Variants in EPS8 observed in about 807,000 individuals in gnomAD.
The protein encoded by EPS8 is epidermal growth factor receptor kinase substrate 8.
EPS8 carries 42 observed loss-of-function variants against 103.8 expected under a neutral mutation model. That is an observed-to-expected ratio of 0.40 (90% CI 0.32 to 0.52). EPS8 has a LOEUF of 0.52. Among genes scored for constraint, EPS8 ranks in the 20% least tolerant of loss-of-function variants. EPS8 has a pLI of 0.40. For missense variants in EPS8, 969 were observed against 1,005.1 expected, an observed-to-expected ratio of 0.96 and a Z score of 0.49; for synonymous variants, 344 against 344.6, an observed-to-expected ratio of 1.00 and a Z score of 0.02.
chr12:15,694,577 A>T lies in EPS8; in HGVS notation c.-21-11605T>A, dbSNP rs367590776. 7.8e-4 allele frequency among the ~76,000 whole-genome samples: 118 copies of T among 152,194 alleles called. 1 individual carries two copies. Among genetic ancestry groups the T allele is most frequent in the African/African-American group, 2.7e-3 (111 of 41,540 alleles). ...CCACTACTTTATCCATTCTTTATTA[A>T]TTTTTTCCCAAAGAGAAGCCCATTT... is the stretch of plus-strand genomic sequence containing the variant. On this transcript the variant is annotated intron_variant, in intron 1 of 20. Coordinates refer to ENST00000281172, the MANE Select transcript of EPS8 (RefSeq NM_004447.6).
intron 1 of EPS8, among the ~76,000 whole-genome samples, chr12:15,774,606 AAT>A (rs201235593): frequency 1.4e-3 from 214 of 147,792 alleles, no homozygotes; most frequent in African/African-American, 5.1e-3. Flanking sequence ...ACACATATAA[AAT>A]ATATATACAT....
chr12:15,646,195 G>A (rs1446303340), intron 15 of EPS8, among the ~76,000 whole-genome samples: 2 of 152,100 alleles, frequency 1.3e-5, no homozygotes, highest in East Asian at 3.9e-4. Context: ...TGCCCTTGGA[G>A]TTATACCTGT....
chr12:15,623,995 T>C (rs149949374), intron 19 of EPS8, among the ~76,000 whole-genome samples: 11 of 152,318 alleles, frequency 7.2e-5, no homozygotes, highest in African/African-American at 2.4e-5. Flanking sequence ...AAAGAACTAA[T>C]AATGAACAGA....
At position 15,767,306 on chromosome 12, in the gene EPS8, G is replaced by C. The variant is rs1318880389; in HGVS notation, c.-22+21855C>G. On this transcript the variant is annotated intron_variant, in intron 1 of 20. Coordinates refer to ENST00000281172, the MANE Select transcript of EPS8 (RefSeq NM_004447.6). The surrounding 1 kb of genome is among the most constrained non-coding windows in gnomAD (Gnocchi z 5.5). Reference sequence around the variant, plus strand: ...ACCATTTTCACAAATTATTTCTACAGAAGCAGACTAGTTCTACTAAGGTCT... The same window carrying C: ...ACCATTTTCACAAATTATTTCTACACAAGCAGACTAGTTCTACTAAGGTCT... Among the ~76,000 whole-genome samples the C allele has an allele frequency of 6.6e-6, 1 of 152,182 alleles. No individual in the cohort carries two copies. Among genetic ancestry groups the C allele is most frequent in the Non-Finnish European group, 1.5e-5 (1 of 68,026 alleles).
chr12:15,768,271 C>G (rs896062925), intron 1 of EPS8, among the ~76,000 whole-genome samples: 59 of 151,708 alleles, frequency 3.9e-4, no homozygotes, highest in African/African-American at 1.3e-3. Flanking sequence ...AACCCTTTCT[C>G]TACTAAAAAT....
intron 1 of EPS8, among the ~76,000 whole-genome samples, chr12:15,742,902 T>C (rs1946839656): frequency 6.6e-6 from 1 of 152,134 alleles, no homozygotes; most frequent in Non-Finnish European, 1.5e-5. Context: ...GTGTTGAAAG[T>C]TCTGGCCAGG....
At position 15,620,483 on chromosome 12, in the gene EPS8, C is replaced by A. The variant is rs1053492797; in HGVS notation, c.*834G>T. 1.3e-5 allele frequency: 2 copies of A among 152,584 alleles called. No individual in the cohort carries two copies. Among genetic ancestry groups the A allele is most frequent in the African/African-American group, 4.8e-5 (2 of 41,450 alleles). The allele number at this position is 152,584 out of a possible 1,614,324, so 9.5% of individuals were successfully genotyped here. A position where few individuals can be genotyped will look rare whatever the true frequency, so the allele number is the denominator to read the frequency against. The stretch of plus-strand genomic sequence containing the variant: ...CACAGATAAACACATAAAATGGCCC[C>A]ACTTCCTTTTAACTACTCATATCAA... On this transcript the variant is annotated 3_prime_UTR_variant, in exon 21 of 21. Coordinates refer to ENST00000281172, the MANE Select transcript of EPS8 (RefSeq NM_004447.6).
intron 1 of EPS8, among the ~76,000 whole-genome samples, chr12:15,743,105 C>T (rs926620915): frequency 6.6e-6 from 1 of 152,096 alleles, no homozygotes; most frequent in Non-Finnish European, 1.5e-5. Flanking sequence ...ACAAGCATTC[C>T]TATACACCAA....
At chr12:15,685,645 T>C (rs1946083291) in intron 1 of EPS8, among the ~76,000 whole-genome samples, 1 of 152,228 alleles carries the variant, frequency 6.6e-6, no homozygotes, top group Non-Finnish European at 1.5e-5. Flanking sequence ...ATTTTAAATA[T>C]AGAAACTTTT....
intron 1 of EPS8, among the ~76,000 whole-genome samples, chr12:15,691,249 C>G (rs1946167665): frequency 6.6e-6 from 1 of 150,414 alleles, no homozygotes; most frequent in Non-Finnish European, 1.5e-5. Context: ...CCAAAAAAGG[C>G]AAGAGAGGCT....
At position 15,631,522 on chromosome 12, in the gene EPS8, G is replaced by A. The variant is rs761302594; in HGVS notation, c.1964C>T (p.Thr655Ile). 6.2e-7 allele frequency: 1 copy of A among 1,614,024 alleles called. No individual in the cohort carries two copies. Among genetic ancestry groups the A allele is most frequent in the Admixed American group, 1.7e-5 (1 of 60,008 alleles). The change falls in exon 18 of 21, where the codon ACA (threonine) becomes ATA (isoleucine). Residue 655 changes from threonine to isoleucine, a missense_variant. By Grantham distance (89) the Thr-to-Ile change is moderately conservative. Transcript: ENST00000281172. The stretch of plus-strand genomic sequence containing the variant: ...GTCACTGGAGCTGCTGTTTTGACGT[G>A]TTATATTTGCTGGGACCTTTGACAC... ...VPVSKVPANI[T>I]RQNSSSSDSG...
chr12:15,666,616 ATCAG>A (rs1945716596), intron 6 of EPS8, 94 bp from the exon 7 acceptor site: 1 of 817,506 alleles, frequency 1.2e-6, no homozygotes, highest in African/African-American at 1.7e-5. Context: ...CCTTGTCTGA[ATCAG>A]TAAGTATCTT....
At chr12:15,672,374 C>T in intron 3 of EPS8, 1 of 396,916 alleles carries the variant, frequency 2.5e-6, no homozygotes, top group Non-Finnish European at 4.4e-6. Context: ...TCTGATATTC[C>T]AATACACTCC....
At chr12:15,674,222 C>G (rs946318106) in intron 3 of EPS8, among the ~76,000 whole-genome samples, 15 of 152,086 alleles carry the variant, frequency 9.9e-5, no homozygotes, top group African/African-American at 3.4e-4. Context: ...TTCAAAGATA[C>G]AGCTAATATT....
rs572738341 is a variant in EPS8, at chr12:15,727,787, G to A, written c.-21-44815C>T. Among the ~76,000 whole-genome samples the A allele has an allele frequency of 2.0e-5, 3 of 152,334 alleles. No homozygotes were observed. The highest frequency in any genetic ancestry group is 3.9e-4 in the East Asian group (2 of 5,186). On this transcript the variant is annotated intron_variant, in intron 1 of 20. Transcript: ENST00000281172. The surrounding 1 kb of genome is among the most constrained non-coding windows in gnomAD (Gnocchi z 4.3). ...GCAGGAGAATCACTCGAACCTGGGA[G>A]GTGGAGGTTGCAGTGAGCCAAGGTT... is the stretch of plus-strand genomic sequence containing the variant.
rs1254855069 is a variant in EPS8, at chr12:15,747,816, C to A, written c.-22+41345G>T. Among the ~76,000 whole-genome samples the A allele has an allele frequency of 6.6e-6, 1 of 152,024 alleles. No individual in the cohort carries two copies. Among genetic ancestry groups the A allele is most frequent in the Admixed American group, 6.5e-5 (1 of 15,270 alleles). On this transcript the variant is annotated intron_variant, in intron 1 of 20. Coordinates refer to ENST00000281172, the MANE Select transcript of EPS8 (RefSeq NM_004447.6). This position sits in a 1 kb window ranked among gnomAD's most constrained non-coding sequence, Gnocchi z 4.4. ...TGGGCGGATCACGAGGTCAGGAGATCGAGACCATCCTGGCTAACACGGTGA... is the reference window on the plus strand; with the variant it reads ...TGGGCGGATCACGAGGTCAGGAGATAGAGACCATCCTGGCTAACACGGTGA...
At chr12:15,773,879 G>A (rs1244396128) in intron 1 of EPS8, among the ~76,000 whole-genome samples, 3 of 152,026 alleles carry the variant, frequency 2.0e-5, no homozygotes, top group Admixed American at 2.0e-4. Flanking sequence ...TCTCATTTTT[G>A]CAGTAGCAAT....
Position 15,681,260 on chromosome 12 carries a change from T to A in EPS8, c.102A>T (p.Glu34Asp). The change falls in exon 3 of 21, where the codon GAA becomes GAT. Residue 34 changes from glutamate (E) to aspartate (D), a missense_variant. Transcript: ENST00000281172. ...CCTTTGCACTTGTTTTTGAACCATGTTCTCTGTCCGTCTGGGAAAAGGTAG... is the reference window on the plus strand; with the variant it reads ...CCTTTGCACTTGTTTTTGAACCATGATCTCTGTCCGTCTGGGAAAAGGTAG... ...SSPTFSQTDREHGSKTSAKAL... is the reference protein window; with the variant it reads ...SSPTFSQTDRDHGSKTSAKAL... 2 of 1,565,184 alleles carry A rather than the reference T, an allele frequency of 1.3e-6. No individual in the cohort carries two copies. Among genetic ancestry groups the A allele is most frequent in the South Asian group, 2.4e-5 (2 of 84,106 alleles).
chr12:15,709,006 A>C (rs372666350), intron 1 of EPS8, among the ~76,000 whole-genome samples: 22 of 152,340 alleles, frequency 1.4e-4, no homozygotes, highest in African/African-American at 5.3e-4. Flanking sequence ...GAGCCATGCC[A>C]CACTTGTTTA....
Sources: gnomAD v4.1 joint callset for allele counts (sites outside exome capture counted in the v4.1 genomes callset) on GRCh38, gnomAD v4.1.1 for gene constraint, Gnocchi (gnomAD v3.1) non-coding constraint, MANE v1.5 for transcripts, NCBI Gene and HGNC (gene_info 2026-07-23, HGNC 2026-07-21) for gene names.